FBXO11: variants seen among roughly 807,000 people sequenced by gnomAD.
FBXO11 encodes the protein F-box protein 11.
Under a neutral mutation model 117.0 loss-of-function variants are expected in FBXO11, and 13 were observed. The ratio of observed to expected loss-of-function variants is 0.11; its 90% CI spans 0.07 to 0.18. The LOEUF (loss-of-function observed/expected upper bound fraction) is 0.18, where lower values mean the gene tolerates loss of function less well. FBXO11 is among the 10% of genes least tolerant of loss of function. FBXO11 has a pLI of 1.00. For synonymous variants in FBXO11, 490 were observed against 380.5 expected (o/e 1.29, Z -3.35); for missense variants, 767 against 1,164.4 (o/e 0.66, Z 4.97).
At chr2:47,896,179 T>G (rs1322763122) in intron 1 of FBXO11, among the ~76,000 whole-genome samples, 1 of 152,200 alleles carries the variant, frequency 6.6e-6, no homozygotes, top group East Asian at 1.9e-4. Flanking sequence ...AGAGAAAAAT[T>G]TAAAAGTCAG....
chr2:47,839,842 T>A (rs1318086898), intron 1 of FBXO11, 73 bp from the exon 2 acceptor site: 6 of 1,423,136 alleles, frequency 4.2e-6, no homozygotes, highest in Non-Finnish European at 4.8e-6. Context: ...GAAAACTTTC[T>A]TAAAACTTCA....
At chr2:47,858,681 CAA>C (rs902232765) in intron 1 of FBXO11, among the ~76,000 whole-genome samples, 52 of 67,492 alleles carry the variant, frequency 7.7e-4, no homozygotes, top group Admixed American at 9.0e-4. Flanking sequence ...GACTCTGCCT[CAA>C]AAAAAAAAAA....
rs775388013 is a variant in FBXO11, at chr2:47,808,091, G to A, written c.*27C>T. The A allele has an allele frequency of 3.2e-6, 5 of 1,579,706 alleles. No individual in the cohort carries two copies. The highest frequency in any genetic ancestry group is 3.3e-4 in the Middle Eastern group (2 of 5,978). On this transcript the variant is annotated 3_prime_UTR_variant, in exon 23 of 23. Transcript: ENST00000403359. ...TGTTTTAAGTTATGATGTTACAATG[G>A]CAGGACTTTTTCTTTAGGGAAGGAA...
chr2:47,877,724 G>A (rs553769352), intron 1 of FBXO11, among the ~76,000 whole-genome samples: 35 of 152,172 alleles, frequency 2.3e-4, no homozygotes, highest in Admixed American at 3.3e-4. Context: ...TCGCTTTGTC[G>A]CCCAGGCTGG....
At chr2:47,828,006 A>T (rs897670850) in intron 11 of FBXO11, among the ~76,000 whole-genome samples, 3 of 152,010 alleles carry the variant, frequency 2.0e-5, no homozygotes, top group Admixed American at 1.3e-4. Context: ...AAAATTTTTT[A>T]AGAAGACGGG....
intron 7 of FBXO11, 128 bp downstream of exon 7, chr2:47,834,451 G>T: frequency 1.5e-6 from 1 of 646,254 alleles, no homozygotes. Context: ...AAATATGTGT[G>T]ATATCTTCAT....
intron 11 of FBXO11, among the ~76,000 whole-genome samples, chr2:47,830,067 C>A (rs1473018909): frequency 6.6e-6 from 1 of 151,994 alleles, no homozygotes; most frequent in Non-Finnish European, 1.5e-5. Context: ...CAGAACAGAA[C>A]ATAGCAATAT....
intron 1 of FBXO11, among the ~76,000 whole-genome samples, chr2:47,899,767 C>G (rs919657967): frequency 1.3e-5 from 2 of 152,116 alleles, no homozygotes; most frequent in Admixed American, 6.5e-5. Context: ...TTTCAAAGGT[C>G]TGATAAATCA....
intron 1 of FBXO11, among the ~76,000 whole-genome samples, chr2:47,871,487 A>G (rs1325026462): frequency 6.6e-6 from 1 of 152,178 alleles, no homozygotes; most frequent in East Asian, 1.9e-4. Flanking sequence ...AACTAAATGC[A>G]TTCATTCAGT....
At chr2:47,855,181 T>C (rs890661218) in intron 1 of FBXO11, among the ~76,000 whole-genome samples, 7 of 151,942 alleles carry the variant, frequency 4.6e-5, no homozygotes, top group Non-Finnish European at 1.0e-4. Flanking sequence ...TGGGGGAAAA[T>C]GACAGACTAG....
chr2:47,852,543 T>C (rs1050640912), intron 1 of FBXO11, among the ~76,000 whole-genome samples: 1 of 152,208 alleles, frequency 6.6e-6, no homozygotes, highest in African/African-American at 2.4e-5. Context: ...AGCCAATAAA[T>C]GGTAGCAAAA....
chr2:47,900,806 ATACACACACGTGTATATATATACACG>A (rs1678154494), intron 1 of FBXO11, among the ~76,000 whole-genome samples: 7 of 96,192 alleles, frequency 7.3e-5, no homozygotes, highest in African/African-American at 1.9e-4. Context: ...ATATACACGT[ATACACACACGTGTATATATATACACG>A]TATACACACA....
chr2:47,890,775 G>A (rs1677196996), intron 1 of FBXO11, among the ~76,000 whole-genome samples: 1 of 151,834 alleles, frequency 6.6e-6, no homozygotes, highest in South Asian at 2.1e-4. Flanking sequence ...CTGTGCTCCA[G>A]TCTGGGCGAC....
intron 1 of FBXO11, among the ~76,000 whole-genome samples, chr2:47,887,760 C>A (rs1307988410): frequency 6.6e-6 from 1 of 152,098 alleles, no homozygotes; most frequent in Non-Finnish European, 1.5e-5. Flanking sequence ...ACTTGGGGGA[C>A]TGAGGCAGGA....
At chr2:47,851,951 G>A (rs183078848) in intron 1 of FBXO11, among the ~76,000 whole-genome samples, 1 of 151,990 alleles carries the variant, frequency 6.6e-6, no homozygotes, top group Non-Finnish European at 1.5e-5. Context: ...ATCTTGGGCA[G>A]GGGCCATGCT....
chr2:47,847,690 C>T (rs570968737), intron 1 of FBXO11, among the ~76,000 whole-genome samples: 3 of 151,982 alleles, frequency 2.0e-5, no homozygotes, highest in Admixed American at 6.6e-5. Context: ...GGTGACAGAG[C>T]GAGACTCTGT....
intron 16 of FBXO11, among the ~76,000 whole-genome samples, chr2:47,815,317 C>T (rs1670933669): frequency 6.6e-6 from 1 of 152,226 alleles, no homozygotes; most frequent in Admixed American, 6.5e-5. Context: ...GGGTATCCCC[C>T]TCGGGAATGA....
At position 47,905,664 on chromosome 2, in the gene FBXO11, C is replaced by G. The variant is rs1455672860; in HGVS notation, c.57G>C (p.Pro19=). ...RRPRRVSRPR[P]VQQQQQQPPQ... is the part of the protein sequence containing the mutation. ...GGGGCTGCTGCTGCTGTTGCTGCAC[C>G]GGGCGCGGCCGCGACACTCGCCTGG... The change falls in exon 1 of 23, where the codon CCG becomes CCC. Residue 19 remains proline, a synonymous_variant. Coordinates refer to ENST00000403359, the MANE Select transcript of FBXO11 (RefSeq NM_001190274.2). The G allele has an allele frequency of 3.3e-6, 5 of 1,499,176 alleles. No individual in the cohort carries two copies. The East Asian group carries it at 8.6e-5, about 26-fold the overall frequency. The allele number at this position is 1,499,176 out of a possible 1,614,324, so 92.9% of individuals were successfully genotyped here.
At chr2:47,900,113 A>G (rs1677991066) in intron 1 of FBXO11, among the ~76,000 whole-genome samples, 1 of 152,086 alleles carries the variant, frequency 6.6e-6, no homozygotes, top group Admixed American at 6.5e-5. Flanking sequence ...AAGAGCTCTT[A>G]GGCCTTATCA....
Sources: allele counts gnomAD v4.1 joint callset (sites outside exome capture counted in the v4.1 genomes callset), GRCh38; gene constraint gnomAD v4.1.1; transcripts MANE v1.5; gene names NCBI Gene and HGNC (gene_info 2026-07-23, HGNC 2026-07-21).